LGI1: variants seen among roughly 807,000 people sequenced by gnomAD.
LGI1 encodes the protein leucine-rich glioma-inactivated protein 1.
LGI1 carries 11 observed loss-of-function variants against 57.7 expected under a neutral mutation model. The ratio of observed to expected loss-of-function variants is 0.19; its 90% CI spans 0.12 to 0.32. LGI1 has a LOEUF of 0.32. Among genes scored for constraint, LGI1 ranks in the 10% least tolerant of loss-of-function variants. The pLI is 1.00. For synonymous variants in LGI1, 222 were observed against 241.9 expected, an observed-to-expected ratio of 0.92 and a Z score of 0.76; for missense variants, 422 against 661.9, an observed-to-expected ratio of 0.64 and a Z score of 3.98.
At chr10:93,788,998 G>C (rs948881512) in intron 4 of LGI1, 1 of 152,070 alleles carries the variant, frequency 6.6e-6, no homozygotes, top group Admixed American at 6.5e-5. Flanking sequence ...TACACTACTT[G>C]GTGACCTTCC....
chr10:93,777,518 T>C, intron 3 of LGI1, 28 bp from the exon 4 acceptor site: 1 of 1,611,282 alleles, frequency 6.2e-7, no homozygotes, highest in Non-Finnish European at 8.5e-7. Flanking sequence ...TGTAACTGTT[T>C]GACAAAAAAT....
chr10:93,759,713 A>G (rs953966513), intron 2 of LGI1, among the ~76,000 whole-genome samples: 3 of 152,222 alleles, frequency 2.0e-5, no homozygotes, highest in Non-Finnish European at 2.9e-5. Flanking sequence ...TCTTAACTGC[A>G]TGATTCAGGA....
intron 4 of LGI1, chr10:93,789,630 T>C (rs762113650): frequency 1.2e-5 from 2 of 169,002 alleles, no homozygotes; most frequent in African/African-American, 2.4e-5. Flanking sequence ...TCCCAGCACT[T>C]TGGGAGGCCG....
intron 2 of LGI1, among the ~76,000 whole-genome samples, chr10:93,774,346 G>C (rs1424692964): frequency 6.6e-6 from 1 of 152,082 alleles, no homozygotes; most frequent in Non-Finnish European, 1.5e-5. Flanking sequence ...AGAGCAAGCA[G>C]GATTCAGAAG....
intron 5 of LGI1, chr10:93,791,914 A>G (rs948794049): frequency 4.6e-5 from 7 of 152,218 alleles, no homozygotes; most frequent in African/African-American, 1.7e-4. Context: ...GGAAGAAGAA[A>G]AGCAAATAGC....
At chr10:93,787,021 A>G (rs2059897660) in intron 4 of LGI1, among the ~76,000 whole-genome samples, 1 of 152,172 alleles carries the variant, frequency 6.6e-6, no homozygotes, top group African/African-American at 2.4e-5. Context: ...GGAGCCTCCC[A>G]GAGACTTAGG....
At chr10:93,793,532 T>C (rs1334705790) in intron 7 of LGI1, among the ~76,000 whole-genome samples, 182 bp downstream of exon 7, 1 of 152,248 alleles carries the variant, frequency 6.6e-6, no homozygotes, top group Non-Finnish European at 1.5e-5. Flanking sequence ...GGAATAATAT[T>C]AATACTTAAC....
intron 4 of LGI1, among the ~76,000 whole-genome samples, chr10:93,779,139 A>G (rs2059822886): frequency 6.6e-6 from 1 of 152,148 alleles, no homozygotes; most frequent in South Asian, 2.1e-4. Context: ...ACAACAAATA[A>G]ACAAAAGAAA....
At chr10:93,780,498 C>A (rs1360060391) in intron 4 of LGI1, among the ~76,000 whole-genome samples, 22 of 152,190 alleles carry the variant, frequency 1.4e-4, no homozygotes, top group Admixed American at 1.4e-3. Context: ...GGAATTAGTA[C>A]CTCACCCTCT....
At chr10:93,783,810 A>G (rs1016031132) in intron 4 of LGI1, among the ~76,000 whole-genome samples, 5 of 152,044 alleles carry the variant, frequency 3.3e-5, no homozygotes, top group African/African-American at 7.2e-5. Context: ...TCAGGAGTTC[A>G]AGACCAGCCT....
chr10:93,792,982 A>G, intron 6 of LGI1, 70 bp downstream of exon 6: 1 of 1,478,164 alleles, frequency 6.8e-7, no homozygotes, highest in Non-Finnish European at 9.4e-7. Flanking sequence ...CATGTGCAGG[A>G]ACTGATATTT....
At chr10:93,781,072 T>G (rs974418471) in intron 4 of LGI1, among the ~76,000 whole-genome samples, 1 of 152,120 alleles carries the variant, frequency 6.6e-6, no homozygotes, top group Non-Finnish European at 1.5e-5. Flanking sequence ...TTAAAAGTTA[T>G]TATAGGCCGG....
In LGI1 at chr10:93,797,342, T is replaced by A; in HGVS notation, c.1213T>A (p.Ser405Thr). Residue 405 changes from serine to threonine, a missense_variant, in exon 8 of 8, where the codon TCC (serine) becomes ACC (threonine). Coordinates refer to ENST00000371418, the MANE Select transcript of LGI1 (RefSeq NM_005097.4). The surrounding 1 kb of genome is among the most constrained non-coding windows in gnomAD (Gnocchi z 6.5). ...RTPHLILSSSSQRPVIYQWNK... is the reference protein window; with the variant it reads ...RTPHLILSSSTQRPVIYQWNK... ...GCCTCATTTAATTCTGTCTAGTAGT[T>A]CCCAGCGTCCTGTAATTTATCAGTG... is the stretch of plus-strand genomic sequence containing the variant. 1 of 1,614,188 alleles carries A rather than the reference T, an allele frequency of 6.2e-7. No individual in the cohort carries two copies. The highest frequency in any genetic ancestry group is 8.5e-7 in the Non-Finnish European group (1 of 1,180,022).
intron 4 of LGI1, chr10:93,789,889 T>G (rs1025206717): frequency 5.7e-5 from 31 of 541,866 alleles, no homozygotes; most frequent in Non-Finnish European, 9.3e-5. Context: ...TAAAAGTAAA[T>G]AAATATGGAG....
intron 2 of LGI1, chr10:93,765,032 G>A (rs2059660177): frequency 6.6e-6 from 1 of 152,138 alleles, no homozygotes; most frequent in African/African-American, 2.4e-5. Context: ...TGAATAAAAT[G>A]ACTGGCACCA....
At chr10:93,759,001 T>G in intron 2 of LGI1, 170 bp downstream of exon 2, 1 of 627,090 alleles carries the variant, frequency 1.6e-6, no homozygotes. Context: ...ACACCAACAG[T>G]GCAGGTTGAT....
In LGI1 at chr10:93,792,759, T is replaced by G; in HGVS notation, c.520T>G (p.Ser174Ala). Residue 174 changes from serine to alanine, a missense_variant, in exon 6 of 8, where the codon TCA (serine) becomes GCA (alanine). Transcript: ENST00000371418. ...SLTNVDLRGN[S>A]FNCDCKLKWL... ...GTCTTTCAGGGACCTGAGGGGTAAT[T>G]CATTTAATTGTGACTGTAAACTGAA... 1 of 1,614,094 alleles carries G rather than the reference T, an allele frequency of 6.2e-7. No homozygotes were observed. The highest frequency in any genetic ancestry group is 8.5e-7 in the Non-Finnish European group (1 of 1,179,992).
At chr10:93,761,107 A>G (rs1235796929) in intron 2 of LGI1, among the ~76,000 whole-genome samples, 1 of 152,214 alleles carries the variant, frequency 6.6e-6, no homozygotes, top group Non-Finnish European at 1.5e-5. Context: ...ATATATGAGA[A>G]GGCTCTGAAT....
chr10:93,790,079 C>CTTTTTTTT lies in LGI1; in HGVS notation c.432-12_432-5dup. 7.1e-7 allele frequency: 1 copy of CTTTTTTTT among 1,406,948 alleles called. No individual in the cohort carries two copies. Among genetic ancestry groups the CTTTTTTTT allele is most frequent in the Admixed American group, 2.0e-5 (1 of 49,236 alleles). The allele number at this position is 1,406,948 out of a possible 1,614,324, so 87.2% of individuals were successfully genotyped here. On this transcript the variant is annotated intron_variant, in intron 4 of 7. Transcript: ENST00000371418. ...AATTTATCACTACAGTTTACATCACCTTTTTTTTTTTTTTTCCAGGAGCCT... is the reference window on the plus strand; with the variant it reads ...AATTTATCACTACAGTTTACATCACCTTTTTTTTTTTTTTTTTTTTTTTCCAGGAGCCT...
Sources: gnomAD v4.1 joint callset for allele counts (sites outside exome capture counted in the v4.1 genomes callset) on GRCh38, gnomAD v4.1.1 for gene constraint, Gnocchi (gnomAD v3.1) non-coding constraint, MANE v1.5 for transcripts, NCBI Gene and HGNC (gene_info 2026-07-23, HGNC 2026-07-21) for gene names.